Variants in DIAPH3 observed in about 807,000 individuals in gnomAD.
The protein encoded by DIAPH3 is protein diaphanous homolog 3.
DIAPH3 carries 117 observed loss-of-function variants against 144.3 expected under a neutral mutation model. The ratio of observed to expected loss-of-function variants is 0.81; its 90% CI spans 0.70 to 0.95. The LOEUF (loss-of-function observed/expected upper bound fraction) is 0.95. Among genes scored for constraint, DIAPH3 ranks in the 40% least tolerant of loss-of-function variants. The probability of loss-of-function intolerance (pLI) is 0.00; values close to 1 mark genes in which losing one functional copy is unlikely to be tolerated. For synonymous variants in DIAPH3, 519 were observed against 488.9 expected (o/e 1.06, Z -0.81); for missense variants, 1,421 against 1,412.7 (o/e 1.01, Z -0.09).
At chr13:59,803,642 C>A (rs1436478926) in intron 25 of DIAPH3, among the ~76,000 whole-genome samples, 1 of 152,114 alleles carries the variant, frequency 6.6e-6, no homozygotes, top group Non-Finnish European at 1.5e-5. Flanking sequence ...AGTCTGAGAA[C>A]CTCCTCTTTT....
intron 21 of DIAPH3, among the ~76,000 whole-genome samples, chr13:59,867,398 G>T (rs1187348732): frequency 6.6e-6 from 1 of 151,650 alleles, no homozygotes; most frequent in Non-Finnish European, 1.5e-5. Flanking sequence ...TCTAAAGATA[G>T]AAACCAATTG....
chr13:60,086,594 T>C (rs1178594656), intron 4 of DIAPH3, among the ~76,000 whole-genome samples: 1 of 84,976 alleles, frequency 1.2e-5, no homozygotes, highest in Non-Finnish European at 2.6e-5. Context: ...TAATCGGAAA[T>C]AGAAGCAAAA....
intron 20 of DIAPH3, among the ~76,000 whole-genome samples, chr13:59,884,428 T>C (rs567301122): frequency 6.6e-6 from 1 of 152,160 alleles, no homozygotes; most frequent in Non-Finnish European, 1.5e-5. Flanking sequence ...ATGAAAAAAG[T>C]GTCTTCCATG....
intron 4 of DIAPH3, among the ~76,000 whole-genome samples, chr13:60,087,950 T>C (rs185870510): frequency 6.6e-6 from 1 of 152,278 alleles, no homozygotes; most frequent in Admixed American, 6.5e-5. Flanking sequence ...GTGAGGAGTC[T>C]ATCACAACTT....
chr13:59,684,986 A>G (rs1040245204), intron 27 of DIAPH3, among the ~76,000 whole-genome samples: 1 of 152,152 alleles, frequency 6.6e-6, no homozygotes, highest in Non-Finnish European at 1.5e-5. Flanking sequence ...GCTGTAATAC[A>G]TATGAATTAC....
In DIAPH3 at chr13:59,928,600, G is replaced by A. The variant is rs575246816; in HGVS notation, c.2075-3730C>T. Among the ~76,000 whole-genome samples, 4 of 152,274 alleles carry A rather than the reference G, an allele frequency of 2.6e-5. No individual in the cohort carries two copies. The South Asian group carries it at 8.3e-4, about 32-fold the overall frequency. ...TTAAGTAGAGTGTTTGGAGTTTTGG[G>A]TGGGAGCAGCCACATAGTCTCTGTG... On this transcript the variant is annotated intron_variant, in intron 17 of 27. Coordinates refer to ENST00000400324, the MANE Select transcript of DIAPH3 (RefSeq NM_001042517.2).
intron 27 of DIAPH3, among the ~76,000 whole-genome samples, chr13:59,739,208 G>A (rs565127907): frequency 2.6e-5 from 4 of 152,294 alleles, no homozygotes; most frequent in South Asian, 2.1e-4. Context: ...TGATCCTTTA[G>A]AATAATGTGC....
intron 4 of DIAPH3, among the ~76,000 whole-genome samples, chr13:60,067,329 C>T (rs1159774320): frequency 6.6e-6 from 1 of 151,954 alleles, no homozygotes; most frequent in African/African-American, 2.4e-5. Context: ...GAAAGTCACT[C>T]TATTTACATC....
At chr13:59,853,403 A>G (rs1173237210) in intron 22 of DIAPH3, among the ~76,000 whole-genome samples, 1 of 152,094 alleles carries the variant, frequency 6.6e-6, no homozygotes, top group African/African-American at 2.4e-5. Flanking sequence ...CACTGATAGG[A>G]GGTGATTGGA....
intron 20 of DIAPH3, among the ~76,000 whole-genome samples, chr13:59,889,112 T>C (rs2045631923): frequency 6.6e-6 from 1 of 152,084 alleles, no homozygotes; most frequent in African/African-American, 2.4e-5. Context: ...TTTTTCCTAG[T>C]TGGGATCTGC....
intron 27 of DIAPH3, among the ~76,000 whole-genome samples, chr13:59,739,119 A>C (rs2036309162): frequency 6.6e-6 from 1 of 152,214 alleles, no homozygotes; most frequent in Non-Finnish European, 1.5e-5. Flanking sequence ...CTTAGGTCCA[A>C]AGTATCAAAA....
At chr13:59,861,359 T>C in intron 22 of DIAPH3, 48 bp downstream of exon 22, 3 of 1,613,090 alleles carry the variant, frequency 1.9e-6, no homozygotes, top group Non-Finnish European at 2.5e-6. Context: ...TTCAGTCTTT[T>C]AGCACTGAAG....
At chr13:59,891,767 G>A (rs2045813108) in intron 20 of DIAPH3, among the ~76,000 whole-genome samples, 1 of 151,842 alleles carries the variant, frequency 6.6e-6, no homozygotes, top group African/African-American at 2.4e-5. Context: ...AAGAGTGATT[G>A]CCACCATAAG....
chr13:60,041,956 T>C (rs2055699380), intron 5 of DIAPH3, among the ~76,000 whole-genome samples: 1 of 152,160 alleles, frequency 6.6e-6, no homozygotes, highest in African/African-American at 2.4e-5. Context: ...CATGATATAT[T>C]TCAGGTACAT....
At chr13:60,067,489 C>T (rs1040360253) in intron 4 of DIAPH3, among the ~76,000 whole-genome samples, 7 of 151,978 alleles carry the variant, frequency 4.6e-5, no homozygotes, top group African/African-American at 1.7e-4. Context: ...ATACAGATAG[C>T]CGACCCCTTG....
chr13:59,798,630 A>T (rs1311598840), intron 25 of DIAPH3, among the ~76,000 whole-genome samples: 1 of 152,212 alleles, frequency 6.6e-6, no homozygotes, highest in Non-Finnish European at 1.5e-5. Flanking sequence ...CTCAGATGTC[A>T]ATCCATCCTC....
intron 4 of DIAPH3, among the ~76,000 whole-genome samples, chr13:60,062,176 C>G (rs1359965067): frequency 1.3e-5 from 2 of 152,102 alleles, no homozygotes; most frequent in Admixed American, 1.3e-4. Flanking sequence ...TTTATCTTTA[C>G]CTGCATCTCA....
chr13:59,848,079 C>T (rs2042751627), intron 22 of DIAPH3, among the ~76,000 whole-genome samples: 1 of 152,120 alleles, frequency 6.6e-6, no homozygotes, highest in Admixed American at 6.6e-5. Context: ...TTTCCAAATA[C>T]TTCTTACCAC....
At chr13:59,718,777 T>A (rs1349307067) in intron 27 of DIAPH3, among the ~76,000 whole-genome samples, 1 of 152,186 alleles carries the variant, frequency 6.6e-6, no homozygotes, top group Admixed American at 6.5e-5. Flanking sequence ...TAGGCTGTAT[T>A]CCAAGAAGGT....
Sources: allele counts gnomAD v4.1 joint callset (sites outside exome capture counted in the v4.1 genomes callset), GRCh38; gene constraint gnomAD v4.1.1; transcripts MANE v1.5; gene names NCBI Gene and HGNC (gene_info 2026-07-23, HGNC 2026-07-21).